TBC1D14: variants seen among roughly 807,000 people sequenced by gnomAD.
The protein encoded by TBC1D14 is TBC1 domain family member 14.
A neutral mutation model predicts 79.0 loss-of-function variants in TBC1D14; 26 were observed. The observed-to-expected ratio is 0.33, with a 90% CI of 0.24 to 0.46. TBC1D14 has a LOEUF of 0.46. Among genes scored for constraint, TBC1D14 ranks in the 20% least tolerant of loss-of-function variants. The pLI, the probability that TBC1D14 is intolerant of heterozygous loss-of-function variation, is 1.00. For synonymous variants in TBC1D14, 394 were observed against 349.9 expected (o/e 1.13, Z -1.40); for missense variants, 769 against 887.6 (o/e 0.87, Z 1.70).
At chr4:6,950,311 A>G (rs1232020532) in intron 2 of TBC1D14, among the ~76,000 whole-genome samples, 1 of 152,202 alleles carries the variant, frequency 6.6e-6, no homozygotes, top group African/African-American at 2.4e-5. Flanking sequence ...ACTAATTCTA[A>G]TAGCTTATCC....
intron 1 of TBC1D14, among the ~76,000 whole-genome samples, chr4:6,919,557 G>A (rs1723668594): frequency 6.6e-6 from 1 of 152,076 alleles, no homozygotes; most frequent in Admixed American, 6.6e-5. Context: ...ATAACATTGT[G>A]ATTAAATAAT....
At chr4:7,019,262 C>T (rs986080538) in intron 12 of TBC1D14, among the ~76,000 whole-genome samples, 10 of 152,190 alleles carry the variant, frequency 6.6e-5, no homozygotes, top group Non-Finnish European at 1.0e-4. Context: ...TCTCGTGATC[C>T]TCCCAACTAG....
intron 2 of TBC1D14, among the ~76,000 whole-genome samples, chr4:6,931,981 A>G (rs1711793187): frequency 1.3e-5 from 2 of 151,934 alleles, no homozygotes; most frequent in Admixed American, 1.3e-4. Context: ...AGGTGGTACG[A>G]GGTCCTGGGA....
In TBC1D14 at chr4:7,024,970, C is replaced by CA. The variant is rs1166847136; in HGVS notation, c.1758-30dup. The CA allele has an allele frequency of 7.5e-6, 12 of 1,609,052 alleles. No homozygotes were observed. In the African/African-American group the frequency reaches 8.0e-5, roughly 11 times the overall value. The stretch of plus-strand genomic sequence containing the variant: ...TGTTCTTTCTTTGTTAGGAGAGATT[C>CA]AAAATCTGAAAAATTCCAACTTTTA... On this transcript the variant is annotated intron_variant, in intron 12 of 13. Coordinates refer to ENST00000409757, the MANE Select transcript of TBC1D14 (RefSeq NM_020773.3).
chr4:6,990,737 G>A (rs1007337917), intron 3 of TBC1D14, among the ~76,000 whole-genome samples: 2 of 152,112 alleles, frequency 1.3e-5, no homozygotes, highest in African/African-American at 2.4e-5. Context: ...TCTCTTGACC[G>A]CCACAGTGGT....
intron 12 of TBC1D14, among the ~76,000 whole-genome samples, chr4:7,018,565 C>A (rs529370591): frequency 7.6e-4 from 116 of 152,324 alleles, no homozygotes; most frequent in African/African-American, 2.7e-3. Flanking sequence ...TCAAAGAATG[C>A]GTCTGTGCCT....
chr4:6,918,393 C>G (rs1577454799), intron 1 of TBC1D14, among the ~76,000 whole-genome samples: 1 of 152,228 alleles, frequency 6.6e-6, no homozygotes, highest in East Asian at 1.9e-4. Flanking sequence ...ACCCGCATCT[C>G]TTTTGTGGCT....
intron 1 of TBC1D14, among the ~76,000 whole-genome samples, chr4:6,919,649 C>A (rs1723677577): frequency 6.6e-6 from 1 of 151,830 alleles, no homozygotes. Context: ...GAGATGGAGT[C>A]TCCCTCTGTC....
intron 9 of TBC1D14, chr4:7,007,604 G>T (rs2109235065): frequency 3.1e-6 from 4 of 1,289,346 alleles, no homozygotes; most frequent in East Asian, 5.5e-5. Flanking sequence ...CAAAGCTCCA[G>T]CAGCTTTGGT....
intron 12 of TBC1D14, among the ~76,000 whole-genome samples, chr4:7,020,820 C>T (rs1299097172): frequency 1.3e-5 from 2 of 152,232 alleles, no homozygotes; most frequent in Non-Finnish European, 2.9e-5. Flanking sequence ...CCTGCCTCAG[C>T]CACCCAAGTA....
At chr4:7,013,778 G>C (rs980557489) in intron 11 of TBC1D14, among the ~76,000 whole-genome samples, 4 of 149,192 alleles carry the variant, frequency 2.7e-5, no homozygotes, top group Admixed American at 2.0e-4. Context: ...GAGTCTCGCT[G>C]TGTCGCCCAG....
chr4:6,924,205 T>C (rs1309509137), intron 2 of TBC1D14, 94 bp downstream of exon 2: 2 of 1,460,126 alleles, frequency 1.4e-6, no homozygotes, highest in Non-Finnish European at 1.8e-6. Context: ...TTCTCTGTGG[T>C]GTTAGGCAGG....
At chr4:7,012,987 A>G (rs1023865067) in intron 11 of TBC1D14, among the ~76,000 whole-genome samples, 2 of 152,274 alleles carry the variant, frequency 1.3e-5, no homozygotes, top group East Asian at 3.9e-4. Flanking sequence ...ATCTTTTTAT[A>G]AATAAATACA....
chr4:6,967,960 T>C (rs1409138887), intron 3 of TBC1D14, among the ~76,000 whole-genome samples: 1 of 152,152 alleles, frequency 6.6e-6, no homozygotes, highest in African/African-American at 2.4e-5. Context: ...GCTGCCTTGC[T>C]CCTTACGGTG....
chr4:6,955,029 A>G (rs1211810094), intron 2 of TBC1D14, among the ~76,000 whole-genome samples: 1 of 152,236 alleles, frequency 6.6e-6, no homozygotes, highest in Non-Finnish European at 1.5e-5. Flanking sequence ...GAGCACAGTG[A>G]TTGATCATGG....
At chr4:6,965,814 G>A (rs566387071) in intron 2 of TBC1D14, among the ~76,000 whole-genome samples, 1 of 152,150 alleles carries the variant, frequency 6.6e-6, no homozygotes, top group Admixed American at 6.5e-5. Context: ...ACCACTCCTC[G>A]CTGGTGATGT....
intron 3 of TBC1D14, among the ~76,000 whole-genome samples, chr4:6,973,142 C>T (rs181568031): frequency 2.4e-4 from 36 of 152,272 alleles, no homozygotes; most frequent in African/African-American, 8.7e-4. Context: ...GAGTACATGG[C>T]CTGTTGTGTT....
chr4:6,978,683 T>C (rs945585889), intron 3 of TBC1D14, among the ~76,000 whole-genome samples: 9 of 147,306 alleles, frequency 6.1e-5, no homozygotes, highest in Non-Finnish European at 8.9e-5. Context: ...CCTCCACTAT[T>C]GTCCCGTGAT....
At chr4:6,945,239 T>C (rs1039665649) in intron 2 of TBC1D14, among the ~76,000 whole-genome samples, 1 of 152,100 alleles carries the variant, frequency 6.6e-6, no homozygotes, top group Non-Finnish European at 1.5e-5. Flanking sequence ...GCCACTGAGC[T>C]TTAGAAGCCT....
Sources: gnomAD v4.1 joint callset for allele counts (sites outside exome capture counted in the v4.1 genomes callset) on GRCh38, gnomAD v4.1.1 for gene constraint, MANE v1.5 for transcripts, NCBI Gene and HGNC (gene_info 2026-07-23, HGNC 2026-07-21) for gene names.